Variants in SUMF1 observed in about 807,000 individuals in gnomAD.
The protein encoded by SUMF1 is sulfatase modifying factor 1, also known as formylglycine-generating enzyme.
Under a neutral mutation model 47.6 loss-of-function variants are expected in SUMF1, and 48 were observed. That is an observed-to-expected ratio of 1.01 (90% CI 0.80 to 1.28). The LOEUF is 1.28. SUMF1 is among the 50% of genes most tolerant of loss of function. The probability of loss-of-function intolerance (pLI) is 0.00; values close to 1 mark genes in which losing one functional copy is unlikely to be tolerated. For synonymous variants in SUMF1, 230 were observed against 192.1 expected (o/e 1.20, Z -1.63); for missense variants, 571 against 485.4 (o/e 1.18, Z -1.66).
At chr3:4,074,251 A>G (rs138865007) in intron 8 of SUMF1, among the ~76,000 whole-genome samples, 1,894 of 152,310 alleles carry the variant, frequency 0.012, 53 homozygotes, top group African/African-American at 0.044. Context: ...TGGATAAATA[A>G]CAAAATGAAG....
At chr3:4,290,316 C>T (rs1318830426) in intron 8 of SUMF1, among the ~76,000 whole-genome samples, 4 of 148,890 alleles carry the variant, frequency 2.7e-5, no homozygotes, top group Non-Finnish European at 4.4e-5. Context: ...CAAAGGAAAA[C>T]GTTTATCTGA....
intron 8 of SUMF1, among the ~76,000 whole-genome samples, chr3:4,371,089 T>G (rs552034085): frequency 5.9e-4 from 90 of 152,318 alleles, no homozygotes; most frequent in Non-Finnish European, 7.5e-4. Context: ...AATAAGTCGT[T>G]TATTTTAAAT....
chr3:4,126,691 A>T (rs1693661735), intron 8 of SUMF1, among the ~76,000 whole-genome samples: 1 of 152,168 alleles, frequency 6.6e-6, no homozygotes, highest in Non-Finnish European at 1.5e-5. Context: ...GGGGTGTCAG[A>T]TTTCAAAGAG....
Position 4,395,351 on chromosome 3 carries a change from G to A in SUMF1, c.954+15514C>T, listed in dbSNP as rs189431321. On this transcript the variant is annotated intron_variant, in intron 7 of 8. Coordinates refer to ENST00000272902, the MANE Select transcript of SUMF1 (RefSeq NM_182760.4). ...TATTTTTTTTTACCTAATGTCCAAC[G>A]TGAAAAAATATTTTAAGAGTGAGCA... is the stretch of plus-strand genomic sequence containing the variant. Among the ~76,000 whole-genome samples, 10 of 152,104 alleles carry A rather than the reference G, an allele frequency of 6.6e-5. No individual in the cohort carries two copies. In the East Asian group the frequency reaches 1.2e-3, roughly 18 times the overall value.
At chr3:4,398,258 T>G (rs1701099757) in intron 7 of SUMF1, among the ~76,000 whole-genome samples, 1 of 152,180 alleles carries the variant, frequency 6.6e-6, no homozygotes, top group Admixed American at 6.5e-5. Flanking sequence ...GTCTGTTAGA[T>G]TCCCAGAACC....
chr3:4,211,219 T>C (rs1695786045), intron 8 of SUMF1, among the ~76,000 whole-genome samples: 1 of 138,322 alleles, frequency 7.2e-6, no homozygotes, highest in Admixed American at 7.4e-5. Flanking sequence ...TATATATATA[T>C]ATATATATCC....
In SUMF1 at chr3:4,425,316, G is replaced by T. The variant is rs532269959; in HGVS notation, c.520-5170C>A. On this transcript the variant is annotated intron_variant, in intron 3 of 8. Transcript: ENST00000272902. Reference sequence around the variant, plus strand: ...TAAAATAATACTATCTACTTCCTGGGGATGTTATAAGGATTAAATTTAAAA... The same window carrying T: ...TAAAATAATACTATCTACTTCCTGGTGATGTTATAAGGATTAAATTTAAAA... Among the ~76,000 whole-genome samples, 7 of 152,094 alleles carry T rather than the reference G, an allele frequency of 4.6e-5. 1 individual carries two copies. In the South Asian group the frequency reaches 1.5e-3, roughly 32 times the overall value.
chr3:4,420,284 C>T (rs1280778065), intron 3 of SUMF1, 138 bp from the exon 4 acceptor site: 1 of 715,180 alleles, frequency 1.4e-6, no homozygotes, highest in African/African-American at 1.8e-5. Context: ...GCCAGAATAC[C>T]AAAATAAAGA....
intron 8 of SUMF1, among the ~76,000 whole-genome samples, chr3:4,327,102 GT>G (rs1221485500): frequency 1.4e-4 from 21 of 152,092 alleles, no homozygotes; most frequent in Non-Finnish European, 1.0e-4. Context: ...TTACAAAACT[GT>G]TAAAAGCTAA....
chr3:4,382,081 C>T (rs941291259), intron 7 of SUMF1, among the ~76,000 whole-genome samples: 13 of 152,034 alleles, frequency 8.6e-5, no homozygotes, highest in Admixed American at 2.0e-4. Context: ...AAAAACCTTC[C>T]TCAAGAACTG....
chr3:4,074,308 C>A (rs373517873), intron 8 of SUMF1, among the ~76,000 whole-genome samples: 1 of 152,076 alleles, frequency 6.6e-6, no homozygotes, highest in Non-Finnish European at 1.5e-5. Flanking sequence ...AAAGACATGA[C>A]GTACCAGAAT....
chr3:4,141,182 T>A (rs917847021), intron 8 of SUMF1, among the ~76,000 whole-genome samples: 1 of 152,190 alleles, frequency 6.6e-6, no homozygotes. Flanking sequence ...CAAGGCCATG[T>A]GTACTCCTTT....
intron 8 of SUMF1, among the ~76,000 whole-genome samples, chr3:4,125,313 T>C (rs1156284812): frequency 1.3e-5 from 2 of 152,162 alleles, no homozygotes; most frequent in South Asian, 2.1e-4. Context: ...AGCACAGATA[T>C]AGAACATTTC....
Position 4,154,829 on chromosome 3 carries a change from C to T in SUMF1, c.1015-86084G>A, listed in dbSNP as rs542469069. ...CCAGCCAATATCTGGGCAACCACCG[C>T]ATCCCACTTCCAGAATACATCAAAA... On this transcript the variant is annotated intron_variant and NMD_transcript_variant, in intron 8 of 12. Coordinates refer to the SUMF1 transcript ENST00000448413. Among the ~76,000 whole-genome samples, 186 of 151,594 alleles carry T rather than the reference C, an allele frequency of 1.2e-3. 6 individuals are homozygous for T. Among genetic ancestry groups the T allele is most frequent in the African/African-American group, 4.3e-3 (177 of 40,932 alleles).
rs755583559 is a variant in SUMF1, at chr3:4,079,019, GT to G, written c.1015-10275del. Among the ~76,000 whole-genome samples the G allele has an allele frequency of 9.2e-5, 14 of 152,196 alleles. 3 individuals are homozygous for G. Among genetic ancestry groups the G allele is most frequent in the East Asian group, 1.9e-4 (1 of 5,182 alleles). On this transcript the variant is annotated intron_variant and NMD_transcript_variant, in intron 8 of 12. Transcript: ENST00000448413. The stretch of plus-strand genomic sequence containing the variant: ...TCGGGAAGCTCTCGGTTTTCTCTGG[GT>G]TTTTTCCTCCTCCTATGTGACATTG...
At chr3:4,069,237 A>T (rs994570583) in intron 8 of SUMF1, among the ~76,000 whole-genome samples, 1 of 152,152 alleles carries the variant, frequency 6.6e-6, no homozygotes, top group Non-Finnish European at 1.5e-5. Context: ...ACACAAATCC[A>T]TGGGGGCAGT....
intron 9 of SUMF1, among the ~76,000 whole-genome samples, chr3:4,061,711 G>A (rs888603447): frequency 2.0e-5 from 3 of 152,088 alleles, no homozygotes; most frequent in African/African-American, 7.2e-5. Context: ...CAGTTGGACT[G>A]GGTACAGCTT....
At chr3:4,175,838 C>T (rs773991511) in intron 8 of SUMF1, among the ~76,000 whole-genome samples, 3 of 152,108 alleles carry the variant, frequency 2.0e-5, no homozygotes, top group Non-Finnish European at 4.4e-5. Context: ...GTAGAGAAGA[C>T]CTTAAATGAC....
At chr3:4,154,389 T>A (rs1214462295) in intron 8 of SUMF1, among the ~76,000 whole-genome samples, 2 of 151,540 alleles carry the variant, frequency 1.3e-5, no homozygotes, top group African/African-American at 4.9e-5. Context: ...CACTTAAAAT[T>A]TAAAGAATTA....
Sources: gnomAD v4.1 joint callset for allele counts (sites outside exome capture counted in the v4.1 genomes callset) on GRCh38, gnomAD v4.1.1 for gene constraint, MANE v1.5 for transcripts, NCBI Gene and HGNC (gene_info 2026-07-23, HGNC 2026-07-21) for gene names.